COL15A1: variants seen among roughly 807,000 people sequenced by gnomAD.
COL15A1 encodes the protein collagen type XV alpha 1 chain, also known as collagen alpha-1(XV) chain.
In COL15A1, 111 loss-of-function variants were observed where a neutral mutation model predicts 165.9. That is an observed-to-expected ratio of 0.67 (90% CI 0.57 to 0.78). The LOEUF is 0.78. COL15A1 is among the 30% of genes least tolerant of loss of function. The pLI is 0.00. For missense variants in COL15A1, 1,745 were observed against 1,789.7 expected (o/e 0.98, Z 0.45); for synonymous variants, 659 against 674.8 (o/e 0.98, Z 0.36).
At position 99,063,049 on chromosome 9, in the gene COL15A1, G is replaced by A; in HGVS notation, c.3592-1G>A. 1 of 1,594,682 alleles carries A rather than the reference G, an allele frequency of 6.3e-7. No individual in the cohort carries two copies. Among genetic ancestry groups the A allele is most frequent in the Non-Finnish European group, 8.5e-7 (1 of 1,173,374 alleles). On this transcript the variant is annotated splice_acceptor_variant, in intron 38 of 41. Coordinates refer to ENST00000375001, the MANE Select transcript of COL15A1 (RefSeq NM_001855.5). LOFTEE classifies it high-confidence loss of function. ...GTTTCTTTTCCTCCTTTTCATAACA[G>A]CCACATCAGCTTCTGCCTCCACCAA... is the stretch of plus-strand genomic sequence containing the variant.
At chr9:99,015,341 C>A in intron 9 of COL15A1, 76 bp from the exon 10 acceptor site, 1 of 983,250 alleles carries the variant, frequency 1.0e-6, no homozygotes, top group South Asian at 1.4e-5. Context: ...TAGCGCTTTC[C>A]ACCCCCCAGC....
Position 99,034,587 on chromosome 9 carries a change from A to C in COL15A1, c.2079+3A>C. The C allele has an allele frequency of 2.1e-5, 2 of 96,292 alleles. No homozygotes were observed. The highest frequency in any genetic ancestry group is 3.5e-5 in the Non-Finnish European group (2 of 57,400). 6.0% of individuals were successfully genotyped at this position (96,292 alleles called of 1,614,324 possible). ...CTAATGGCTCAGTTGGTGAAAAGGT[A>C]AAAAAAAAAAAAAAAAAAAAAAAAA... is the stretch of plus-strand genomic sequence containing the variant. On this transcript the variant is annotated splice_donor_region_variant and intron_variant, in intron 17 of 41. Coordinates refer to ENST00000375001, the MANE Select transcript of COL15A1 (RefSeq NM_001855.5).
chr9:99,062,899 A>G (rs1269589839), intron 38 of COL15A1, 151 bp from the exon 39 acceptor site: 5 of 883,248 alleles, frequency 5.7e-6, no homozygotes, highest in Non-Finnish European at 8.1e-6. Context: ...GCAGGTCATG[A>G]AACTCTTTAC....
chr9:99,064,752 A>G (rs1364507535), intron 39 of COL15A1, among the ~76,000 whole-genome samples: 1 of 152,210 alleles, frequency 6.6e-6, no homozygotes, highest in Non-Finnish European at 1.5e-5. Flanking sequence ...TAGAAACTAG[A>G]GCAAAGCATT....
intron 30 of COL15A1, among the ~76,000 whole-genome samples, chr9:99,050,563 A>G (rs1054202305): frequency 1.3e-5 from 2 of 152,202 alleles, no homozygotes; most frequent in African/African-American, 4.8e-5. Context: ...AGAGAGTCAG[A>G]TTTCTGTGAG....
intron 7 of COL15A1, among the ~76,000 whole-genome samples, chr9:99,003,166 A>G (rs1838693154): frequency 6.6e-6 from 1 of 152,226 alleles, no homozygotes; most frequent in African/African-American, 2.4e-5. Context: ...CAGGGAGGCA[A>G]TGGGTTTCAG....
At chr9:98,980,047 A>G (rs115717299) in intron 2 of COL15A1, among the ~76,000 whole-genome samples, 3 of 151,982 alleles carry the variant, frequency 2.0e-5, no homozygotes, top group Non-Finnish European at 4.4e-5. Flanking sequence ...AGCCCCAGAC[A>G]TTTGGGAGGC....
At chr9:99,000,744 G>T in intron 6 of COL15A1, 95 bp from the exon 7 acceptor site, 1 of 731,738 alleles carries the variant, frequency 1.4e-6, no homozygotes. Context: ...CATGGTATCT[G>T]AACATCTTTC....
At chr9:98,985,316 A>G (rs1487490226) in intron 2 of COL15A1, among the ~76,000 whole-genome samples, 2 of 152,244 alleles carry the variant, frequency 1.3e-5, no homozygotes, top group African/African-American at 4.8e-5. Flanking sequence ...TGAGTATTAA[A>G]TCATGTTCTA....
At chr9:98,994,274 C>T (rs1838505292) in intron 5 of COL15A1, among the ~76,000 whole-genome samples, 1 of 152,284 alleles carries the variant, frequency 6.6e-6, no homozygotes, top group Middle Eastern at 3.4e-3. Context: ...GCAGGTGATT[C>T]TGGTCCTCAG....
At chr9:99,021,700 G>A (rs1235315178) in intron 12 of COL15A1, among the ~76,000 whole-genome samples, 2 of 152,226 alleles carry the variant, frequency 1.3e-5, no homozygotes, top group East Asian at 3.9e-4. Flanking sequence ...TTCCTGTAAA[G>A]GTCACACGCC....
intron 22 of COL15A1, among the ~76,000 whole-genome samples, chr9:99,039,509 AAAAC>A: frequency 6.6e-6 from 1 of 152,362 alleles, no homozygotes; most frequent in Non-Finnish European, 1.5e-5. Flanking sequence ...ACTCTATCTC[AAAAC>A]AAACAAACAA....
At chr9:99,046,452 G>A (rs1280024272) in intron 26 of COL15A1, among the ~76,000 whole-genome samples, 1 of 152,138 alleles carries the variant, frequency 6.6e-6, no homozygotes, top group Non-Finnish European at 1.5e-5. Context: ...AAGTGTATTA[G>A]TCCATTCTCA....
intron 5 of COL15A1, among the ~76,000 whole-genome samples, chr9:98,992,346 G>C (rs929497200): frequency 3.9e-5 from 6 of 152,248 alleles, no homozygotes; most frequent in Non-Finnish European, 8.8e-5. Context: ...CTGCTGGCCT[G>C]GGTGCTAAGC....
rs148865302 is a variant in COL15A1, at chr9:99,069,763, G to A, written c.4044G>A (p.Ala1348=). The change falls in exon 42 of 42, where the codon GCG becomes GCA. Residue 1348 remains alanine, a synonymous_variant. Coordinates refer to ENST00000375001, the MANE Select transcript of COL15A1 (RefSeq NM_001855.5). ...YCEAWRTADT[A]VTGLASPLST... is the part of the protein sequence containing the mutation. The stretch of plus-strand genomic sequence containing the variant: ...AAGCATGGCGAACCGCGGACACAGC[G>A]GTCACGGGACTTGCCTCCCCGCTGA... 4.3e-5 allele frequency: 69 copies of A among 1,614,220 alleles called. No individual in the cohort carries two copies. The highest frequency in any genetic ancestry group is 4.3e-4 in the African/African-American group (32 of 75,060).
chr9:98,994,137 T>C (rs1032305245), intron 5 of COL15A1, among the ~76,000 whole-genome samples: 2 of 16,034 alleles, frequency 1.2e-4, no homozygotes, highest in Non-Finnish European at 2.5e-4. Context: ...CATGGGGGGT[T>C]GGGGAGGCAC....
chr9:98,990,326 C>T (rs1838397239), intron 5 of COL15A1, among the ~76,000 whole-genome samples: 1 of 152,206 alleles, frequency 6.6e-6, no homozygotes. Flanking sequence ...TCCATGGGGT[C>T]ATGGCCTGAG....
chr9:99,062,399 A>G (rs1588540145), intron 38 of COL15A1, 95 bp downstream of exon 38: 2 of 939,758 alleles, frequency 2.1e-6, no homozygotes, highest in East Asian at 2.4e-5. Flanking sequence ...CAAACTCTGG[A>G]CAGTCAGCTG....
At chr9:99,001,992 C>T (rs1044454767) in intron 7 of COL15A1, among the ~76,000 whole-genome samples, 6 of 152,202 alleles carry the variant, frequency 3.9e-5, no homozygotes, top group Admixed American at 1.3e-4. Context: ...CAGCCCATTT[C>T]AGCCAGCTCC....
Sources: allele counts gnomAD v4.1 joint callset (sites outside exome capture counted in the v4.1 genomes callset), GRCh38; gene constraint gnomAD v4.1.1; transcripts MANE v1.5; gene names NCBI Gene and HGNC (gene_info 2026-07-23, HGNC 2026-07-21).